Variants in TMC1 observed in about 807,000 individuals in gnomAD.
The protein encoded by TMC1 is transmembrane channel-like protein 1.
A neutral mutation model predicts 105.8 loss-of-function variants in TMC1; 84 were observed. That is an observed-to-expected ratio of 0.79 (90% CI 0.67 to 0.95). The LOEUF (loss-of-function observed/expected upper bound fraction) is 0.95, where lower values mean the gene tolerates loss of function less well. TMC1 is among the 40% of genes least tolerant of loss of function. TMC1 has a pLI of 0.00. For missense variants in TMC1, 817 were observed against 914.1 expected (o/e 0.89, Z 1.37); for synonymous variants, 315 against 311.5 (o/e 1.01, Z -0.12).
chr9:72,543,845 T>C lies in TMC1; in HGVS notation c.-428+21932T>C, dbSNP rs1823718423. 1.3e-5 allele frequency among the ~76,000 whole-genome samples: 2 copies of C among 152,210 alleles called. 1 individual carries two copies. The highest frequency in any genetic ancestry group is 3.9e-4 in the East Asian group (2 of 5,182). On this transcript the variant is annotated intron_variant, in intron 1 of 23. Transcript: ENST00000297784. ...TCTAATTCGTGGGCTCAAGAGATCCTCTCATCTTAGCCTCCCAAGTAGCTG... is the reference window on the plus strand; with the variant it reads ...TCTAATTCGTGGGCTCAAGAGATCCCCTCATCTTAGCCTCCCAAGTAGCTG...
At chr9:72,732,834 T>C (rs929410762) in intron 8 of TMC1, among the ~76,000 whole-genome samples, 6 of 152,192 alleles carry the variant, frequency 3.9e-5, no homozygotes, top group Non-Finnish European at 8.8e-5. Flanking sequence ...GGGATAATAA[T>C]GGTTCCCACC....
At position 72,792,226 on chromosome 9, in the gene TMC1, C is replaced by T. The variant is rs1301469408; in HGVS notation, c.1440C>T (p.Thr480=). Residue 480 remains threonine, a synonymous_variant, in exon 17 of 24, where the codon ACC becomes ACT. Coordinates refer to ENST00000297784, the MANE Select transcript of TMC1 (RefSeq NM_138691.3). The part of the protein sequence containing the change: ...EEEKLVKANI[T]LWEANMIKAY... ...AGAAGCTAGTAAAGGCCAATATTAC[C>T]CTTTGGGAAGCCAATATGATCAAGG... 2 of 1,614,014 alleles carry T rather than the reference C, an allele frequency of 1.2e-6. No individual in the cohort carries two copies. The highest frequency in any genetic ancestry group is 1.3e-5 in the African/African-American group (1 of 74,988).
intron 2 of TMC1, among the ~76,000 whole-genome samples, chr9:72,610,661 C>T (rs1047937705): frequency 1.3e-5 from 2 of 152,176 alleles, no homozygotes; most frequent in Admixed American, 6.5e-5. Context: ...TAATCTCATC[C>T]AGAAACACCC....
intron 1 of TMC1, among the ~76,000 whole-genome samples, chr9:72,554,564 A>G (rs1233878981): frequency 1.3e-5 from 2 of 152,098 alleles, no homozygotes; most frequent in African/African-American, 4.8e-5. Flanking sequence ...TGTATTTTAG[A>G]GGAGAGTAAT....
intron 1 of TMC1, among the ~76,000 whole-genome samples, chr9:72,568,340 C>T (rs1393986317): frequency 1.3e-5 from 2 of 152,128 alleles, no homozygotes; most frequent in Admixed American, 6.6e-5. Flanking sequence ...ACACTTTTGG[C>T]TCTGTCTAAA....
At chr9:72,613,992 G>A (rs1466254924) in intron 2 of TMC1, among the ~76,000 whole-genome samples, 1 of 152,180 alleles carries the variant, frequency 6.6e-6, no homozygotes, top group African/African-American at 2.4e-5. Context: ...GAATGAGAAA[G>A]AGAGGAAAGG....
At chr9:72,810,169 T>C (rs1588094947) in intron 18 of TMC1, among the ~76,000 whole-genome samples, 1 of 148,932 alleles carries the variant, frequency 6.7e-6, no homozygotes, top group South Asian at 2.1e-4. Flanking sequence ...AAAATGAGGC[T>C]GTTTTAGAGC....
chr9:72,830,449 AG>A lies in TMC1; in HGVS notation c.2130-1del, dbSNP rs1554731002. The stretch of plus-strand genomic sequence containing the variant: ...ACTGTATTTTTTTTCTTTTTAATTT[AG>A]TTTGGCCATCTATTATCTCAATGCT... On this transcript the variant is annotated splice_acceptor_variant, in intron 21 of 23. Transcript: ENST00000297784. LOFTEE classifies it high-confidence loss of function. 6.2e-7 allele frequency: 1 copy of A among 1,608,080 alleles called. No individual in the cohort carries two copies. Among genetic ancestry groups the A allele is most frequent in the Admixed American group, 1.7e-5 (1 of 59,942 alleles).
At chr9:72,709,578 A>G (rs1210465985) in intron 8 of TMC1, among the ~76,000 whole-genome samples, 6 of 151,974 alleles carry the variant, frequency 3.9e-5, no homozygotes, top group African/African-American at 9.7e-5. Context: ...AATCCTCCTG[A>G]TTTAAGCTAG....
At chr9:72,544,913 A>G (rs1823739296) in intron 1 of TMC1, among the ~76,000 whole-genome samples, 1 of 151,620 alleles carries the variant, frequency 6.6e-6, no homozygotes, top group South Asian at 2.1e-4. Context: ...ACTCTACCCA[A>G]TGTGTAGCTT....
intron 12 of TMC1, 70 bp downstream of exon 12, chr9:72,754,954 C>A: frequency 8.4e-7 from 1 of 1,193,138 alleles, no homozygotes; most frequent in Non-Finnish European, 1.2e-6. Flanking sequence ...TTCTGAAACC[C>A]ACGGCCTCCT....
chr9:72,810,854 A>G (rs1461712003), intron 18 of TMC1, among the ~76,000 whole-genome samples: 1 of 152,224 alleles, frequency 6.6e-6, no homozygotes, highest in Non-Finnish European at 1.5e-5. Flanking sequence ...ATCCATGTAC[A>G]TAAGTATCTT....
chr9:72,649,772 T>C (rs934851489), intron 5 of TMC1, among the ~76,000 whole-genome samples: 5 of 152,196 alleles, frequency 3.3e-5, no homozygotes, highest in East Asian at 1.9e-4. Context: ...TTATGGAAGA[T>C]GGTAGATTTC....
intron 2 of TMC1, among the ~76,000 whole-genome samples, chr9:72,581,914 G>A (rs564503300): frequency 6.6e-6 from 1 of 152,246 alleles, no homozygotes; most frequent in South Asian, 2.1e-4. Flanking sequence ...TTAAAACAGT[G>A]CTATCAGTTT....
At chr9:72,610,392 A>G (rs1219447622) in intron 2 of TMC1, among the ~76,000 whole-genome samples, 1 of 152,204 alleles carries the variant, frequency 6.6e-6, no homozygotes, top group Non-Finnish European at 1.5e-5. Context: ...CCTATGGTGT[A>G]GTCCAGGCTC....
At chr9:72,531,885 A>G (rs1209601079) in intron 1 of TMC1, among the ~76,000 whole-genome samples, 2 of 152,148 alleles carry the variant, frequency 1.3e-5, no homozygotes, top group African/African-American at 4.8e-5. Flanking sequence ...CTGGCAATTC[A>G]TTAGAATCCT....
rs561947069 is a variant in TMC1 at position 72,663,310 on chromosome 9, A to G, written c.16+14646A>G. Among the ~76,000 whole-genome samples, 3 of 152,286 alleles carry G rather than the reference A, an allele frequency of 2.0e-5. No individual in the cohort carries two copies. In the South Asian group the frequency reaches 6.2e-4, roughly 32 times the overall value. On this transcript the variant is annotated intron_variant, in intron 5 of 23. Coordinates refer to ENST00000297784, the MANE Select transcript of TMC1 (RefSeq NM_138691.3). ...CAGGTGGGGCCACCAGTTGTCAGAA[A>G]TGCAAAAACCTGAAAAGACATCTCA... is the stretch of plus-strand genomic sequence containing the variant.
chr9:72,629,572 C>T (rs1310881659), intron 4 of TMC1, among the ~76,000 whole-genome samples: 1 of 152,010 alleles, frequency 6.6e-6, no homozygotes, highest in African/African-American at 2.4e-5. Flanking sequence ...ACAAAGGCCA[C>T]CGTTTCTGTG....
chr9:72,763,638 G>A (rs1049845798), intron 12 of TMC1, among the ~76,000 whole-genome samples: 14 of 152,286 alleles, frequency 9.2e-5, no homozygotes, highest in East Asian at 1.9e-4. Flanking sequence ...TACAGAGAAC[G>A]TGTGATGATA....
Sources: allele counts gnomAD v4.1 joint callset (sites outside exome capture counted in the v4.1 genomes callset), GRCh38; gene constraint gnomAD v4.1.1; transcripts MANE v1.5; gene names NCBI Gene and HGNC (gene_info 2026-07-23, HGNC 2026-07-21).